NAIP: variants seen among roughly 807,000 people sequenced by gnomAD.
The protein encoded by NAIP is NLR family apoptosis inhibitory protein.
A neutral mutation model predicts 23.0 loss-of-function variants in NAIP; 15 were observed. The observed-to-expected ratio is 0.65, with a 90% confidence interval of 0.44 to 1.00. The LOEUF (loss-of-function observed/expected upper bound fraction) is 1.00, where lower values mean the gene tolerates loss of function less well. Among genes scored for constraint, NAIP ranks in the 50% least tolerant of loss-of-function variants. NAIP has a pLI of 0.00. For missense variants in NAIP, 265 were observed against 278.8 expected (o/e 0.95, Z 0.35); for synonymous variants, 100 against 100.2 (o/e 1.00, Z 0.01).
rs373901116 is a variant in NAIP at position 71,012,384 on chromosome 5, G to A, written c.532C>T (p.Pro178Ser). Reference sequence around the variant, plus strand: ...AAGCCAGCCTCTGAGAGCACACAAGGGGATATCCCTTGGACATAAAATGGC... The same window carrying A: ...AAGCCAGCCTCTGAGAGCACACAAGAGGATATCCCTTGGACATAAAATGGC... ...NWPFYVQGIS[P>S]CVLSEAGFVF... The change falls in exon 4 of 17, where the codon CCT becomes TCT. Residue 178 changes from proline (P) to serine (S), a missense_variant. By Grantham distance (74) the Pro-to-Ser change is moderately conservative. Coordinates refer to ENST00000517649, the MANE Select transcript of NAIP (RefSeq NM_004536.3). The A allele has an allele frequency of 5.0e-6, 8 of 1,611,388 alleles. 1 individual carries two copies. The highest frequency in any genetic ancestry group is 6.8e-6 in the Non-Finnish European group (8 of 1,178,192).
chr5:71,016,480 T>C (rs1372107408), intron 3 of NAIP, among the ~76,000 whole-genome samples: 2 of 151,768 alleles, frequency 1.3e-5, no homozygotes, highest in Non-Finnish European at 1.5e-5. Flanking sequence ...TTACTTTCTG[T>C]CTCTATAGAT....
intron 3 of NAIP, among the ~76,000 whole-genome samples, chr5:71,014,873 A>G (rs1230368459): frequency 6.6e-6 from 1 of 151,644 alleles, no homozygotes; most frequent in African/African-American, 2.4e-5. Context: ...ATTGCACTCC[A>G]GCCTGGGTGA....
In NAIP at chr5:70,979,584, A is replaced by AAAAAATAAT. The variant is rs1331000647; in HGVS notation, c.3442+284_3442+285insATTATTTTT. On this transcript the variant is annotated intron_variant, in intron 13 of 16. Coordinates refer to ENST00000517649, the MANE Select transcript of NAIP (RefSeq NM_004536.3). ...CGGGAGACTGTCTCAAAAAAAAAAAAAATAATAATAATAATAATAATAATA... is the reference window on the plus strand; with the variant it reads ...CGGGAGACTGTCTCAAAAAAAAAAAAAAAAATAATAATAATAATAATAATAATAATAATA... 7.0e-5 allele frequency among the ~76,000 whole-genome samples: 3 copies of AAAAAATAAT among 42,824 alleles called. 1 individual carries two copies. The highest frequency in any genetic ancestry group is 5.6e-4 in the Admixed American group (2 of 3,596). The allele number at this position is 42,824 out of a possible 152,430, so 28.1% of individuals were successfully genotyped here. A position where few individuals can be genotyped will look rare whatever the true frequency, so the allele number is the denominator to read the frequency against.
chr5:70,977,495 C>G (rs1361427574), intron 13 of NAIP, among the ~76,000 whole-genome samples: 4 of 139,674 alleles, frequency 2.9e-5, no homozygotes, highest in Admixed American at 7.1e-5. Flanking sequence ...GAAACCCTGT[C>G]TCTACTAAAA....
At chr5:71,012,177 T>G (rs546534810) in intron 4 of NAIP, among the ~76,000 whole-genome samples, 171 bp downstream of exon 4, 2 of 151,574 alleles carry the variant, frequency 1.3e-5, no homozygotes, top group African/African-American at 4.8e-5. Flanking sequence ...AAATAGAAAA[T>G]GAAGCAAAAA....
Position 71,012,603 on chromosome 5 carries a change from A to C in NAIP, c.313T>G (p.Phe105Val). 1 of 1,611,954 alleles carries C rather than the reference A, an allele frequency of 6.2e-7. No individual in the cohort carries two copies. The highest frequency in any genetic ancestry group is 8.5e-7 in the Non-Finnish European group (1 of 1,178,528). The change falls in exon 4 of 17, where the codon TTT becomes GTT. Residue 105 changes from phenylalanine (F) to valine (V), a missense_variant. Around this residue, in one of 2 missense-constraint regions of NAIP, gnomAD observed 261 missense variants for 259.2 expected, o/e 1.01. Transcript: ENST00000517649. ...IQCFCCSLIL[F>V]GAGLTRLPIE... ...GGGAGTCTCGTGAGGCCGGCACCAA[A>C]GAGGATTAGGCTACAGCAGAAGCAC...
chr5:71,010,424 G>A lies in NAIP; in HGVS notation c.668+851C>T, dbSNP rs968769132. 9.2e-4 allele frequency among the ~76,000 whole-genome samples: 139 copies of A among 151,558 alleles called. 5 individuals are homozygous for A. Among genetic ancestry groups the A allele is most frequent in the African/African-American group, 3.0e-3 (126 of 41,366 alleles). On this transcript the variant is annotated intron_variant, in intron 5 of 16. Transcript: ENST00000517649. ...GCTGGGACTACAGGCACCCGCCACC[G>A]TTCCCGGCTAATTTTTTGTATTTTT...
chr5:71,012,426 C>T lies in NAIP; in HGVS notation c.490G>A (p.Ala164Thr), dbSNP rs1221759543. 3.1e-6 allele frequency: 5 copies of T among 1,611,496 alleles called. No homozygotes were observed. The highest frequency in any genetic ancestry group is 4.2e-6 in the Non-Finnish European group (5 of 1,178,320). The change falls in exon 4 of 17, where the codon GCG becomes ACG. Residue 164 changes from alanine (A) to threonine (T), a missense_variant. Around this residue, in one of 2 missense-constraint regions of NAIP, gnomAD observed 261 missense variants for 259.2 expected, o/e 1.01. Coordinates refer to ENST00000517649, the MANE Select transcript of NAIP (RefSeq NM_004536.3). ...TAAAATGGCCAGTTCCTGAAGGACG[C>T]AAGTCTAGCCTCCTCTTCTTGGTAC... ...MRYQEEEARL[A>T]SFRNWPFYVQ...
Position 71,009,478 on chromosome 5 carries a change from G to C in NAIP, c.668+1797C>G, listed in dbSNP as rs186419194. Among the ~76,000 whole-genome samples the C allele has an allele frequency of 3.3e-3, 505 of 150,814 alleles. 3 individuals are homozygous for C. The highest frequency in any genetic ancestry group is 0.012 in the African/African-American group (484 of 41,086). ...ATCCAAGGTGGGTGGATCACTTGAG[G>C]CCAGGAATTTCAGACCAGCCTGGGC... On this transcript the variant is annotated intron_variant, in intron 5 of 16. Coordinates refer to ENST00000517649, the MANE Select transcript of NAIP (RefSeq NM_004536.3).
In NAIP at chr5:71,017,592, G is replaced by A. The variant is rs1272991557; in HGVS notation, c.-4+3067C>T. ...TCTTGCTCTGTTCACCCAGGCTGGA[G>A]TGCAGTGGCAAAATTTTGACTCACC... is the stretch of plus-strand genomic sequence containing the variant. On this transcript the variant is annotated intron_variant, in intron 3 of 16. Coordinates refer to ENST00000517649, the MANE Select transcript of NAIP (RefSeq NM_004536.3). Among the ~76,000 whole-genome samples the A allele has an allele frequency of 3.5e-5, 3 of 86,658 alleles. 1 individual carries two copies. The highest frequency in any genetic ancestry group is 9.1e-5 in the Non-Finnish European group (3 of 32,840). The allele number at this position is 86,658 out of a possible 152,430, so 56.9% of individuals were successfully genotyped here. A position where few individuals can be genotyped will look rare whatever the true frequency, so the allele number is the denominator to read the frequency against.
intron 3 of NAIP, among the ~76,000 whole-genome samples, chr5:71,015,208 T>C (rs185848904): frequency 6.6e-6 from 1 of 151,554 alleles, no homozygotes; most frequent in Admixed American, 6.6e-5. Flanking sequence ...GAGATCCTTG[T>C]CTCTACAAAA....
At chr5:71,014,475 C>T (rs1580938977) in intron 3 of NAIP, among the ~76,000 whole-genome samples, 2 of 151,552 alleles carry the variant, frequency 1.3e-5, no homozygotes, top group South Asian at 4.2e-4. Flanking sequence ...AGAATTTTAC[C>T]ATTTATTCTA....
chr5:71,011,772 C>G (rs1397719361), intron 4 of NAIP: 1 of 448,560 alleles, frequency 2.2e-6, no homozygotes, highest in Non-Finnish European at 4.4e-6. Flanking sequence ...AGTCTCTGAG[C>G]CTCCATGAAC....
intron 3 of NAIP, among the ~76,000 whole-genome samples, chr5:71,014,211 C>T (rs1051468051): frequency 6.6e-6 from 1 of 151,066 alleles, no homozygotes; most frequent in Non-Finnish European, 1.5e-5. Context: ...AATTCTCCTG[C>T]CTCAGCCTCC....
At chr5:70,977,722 G>C (rs868374593) in intron 13 of NAIP, among the ~76,000 whole-genome samples, 41 of 138,650 alleles carry the variant, frequency 3.0e-4, no homozygotes, top group Admixed American at 2.9e-4. Context: ...GCTGGGCATA[G>C]TGGCTCACGC....
intron 3 of NAIP, among the ~76,000 whole-genome samples, chr5:71,015,049 T>C (rs1031217587): frequency 6.6e-6 from 1 of 151,646 alleles, no homozygotes; most frequent in Non-Finnish European, 1.5e-5. Flanking sequence ...CAAATGCAAA[T>C]TGATTATGAT....
intron 4 of NAIP, 84 bp downstream of exon 4, chr5:71,012,264 A>G: frequency 7.9e-7 from 1 of 1,266,038 alleles, no homozygotes; most frequent in Non-Finnish European, 1.1e-6. Flanking sequence ...AAGAAAGTTT[A>G]GCAAAATATT....
At chr5:71,011,787 C>G in intron 4 of NAIP, 1 of 444,948 alleles carries the variant, frequency 2.2e-6, no homozygotes, top group Admixed American at 2.6e-5. Flanking sequence ...ATGAACTCAG[C>G]TGTGAAATGG....
In NAIP at chr5:70,979,586, ATAATAAT is replaced by A. The variant is rs1178350457; in HGVS notation, c.3442+276_3442+282del. 5.9e-4 allele frequency among the ~76,000 whole-genome samples: 21 copies of A among 35,842 alleles called. 5 individuals are homozygous for A. The South Asian group carries it at 0.017, about 29-fold the overall frequency. 23.5% of individuals were successfully genotyped at this position (35,842 alleles called of 152,430 possible). A position where few individuals can be genotyped will look rare whatever the true frequency, so the allele number is the denominator to read the frequency against. On this transcript the variant is annotated intron_variant, in intron 13 of 16. Coordinates refer to ENST00000517649, the MANE Select transcript of NAIP (RefSeq NM_004536.3). ...GGAGACTGTCTCAAAAAAAAAAAAA[ATAATAAT>A]AATAATAATAATAATAATAGTACTT...
Sources: gnomAD v4.1 joint callset for allele counts (sites outside exome capture counted in the v4.1 genomes callset) on GRCh38, gnomAD v4.1.1 for gene constraint, gnomAD v4.1.1 regional missense constraint, MANE v1.5 for transcripts, NCBI Gene and HGNC (gene_info 2026-07-23, HGNC 2026-07-21) for gene names.